Variants in KL observed in about 807,000 individuals in gnomAD.
The protein encoded by KL is klotho, also known as alpha-klotho.
In KL, 62 loss-of-function variants were observed where a neutral mutation model predicts 84.2. The observed-to-expected ratio is 0.74, with a 90% CI of 0.60 to 0.91. KL has a LOEUF of 0.91. KL is among the 40% of genes least tolerant of loss of function. The pLI is 0.00. For synonymous variants in KL, 528 were observed against 528.0 expected (o/e 1.00, Z 0.00); for missense variants, 1,261 against 1,305.7 (o/e 0.97, Z 0.53).
At chr13:33,026,969 G>A (rs143512893) in intron 1 of KL, among the ~76,000 whole-genome samples, 191 of 152,186 alleles carry the variant, frequency 1.3e-3, no homozygotes, top group Non-Finnish European at 1.9e-3. Flanking sequence ...GCTCAGCATT[G>A]GGCATCCCTT....
chr13:33,037,394 C>A (rs759301356), intron 1 of KL, among the ~76,000 whole-genome samples: 1 of 152,116 alleles, frequency 6.6e-6, no homozygotes, highest in Non-Finnish European at 1.5e-5. Flanking sequence ...CTTCACCTTT[C>A]CAGACTGACT....
intron 3 of KL, 24 bp from the exon 4 acceptor site, chr13:33,060,655 T>C: frequency 6.2e-7 from 1 of 1,614,182 alleles, no homozygotes; most frequent in African/African-American, 1.3e-5. Flanking sequence ...CAGGTGACGC[T>C]AATGTTTACT....
At position 33,016,696 on chromosome 13, in the gene KL, G is replaced by T. The variant is rs1376087130; in HGVS notation, c.256G>T (p.Gly86Cys). The change falls in exon 1 of 5, where the codon GGT (glycine) becomes TGT (cysteine). Residue 86 changes from glycine (G) to cysteine (C), a missense_variant. Physicochemically the swap from Gly to Cys is radical, Grantham distance 159. Transcript: ENST00000380099. ...TEGGWQQHGKGASIWDTFTHH... is the reference protein window; with the variant it reads ...TEGGWQQHGKCASIWDTFTHH... ...GGGCGGCTGGCAGCAGCACGGCAAGGGTGCGTCCATCTGGGATACGTTCAC... is the reference window on the plus strand; with the variant it reads ...GGGCGGCTGGCAGCAGCACGGCAAGTGTGCGTCCATCTGGGATACGTTCAC... 3 of 1,607,776 alleles carry T rather than the reference G, an allele frequency of 1.9e-6. No individual in the cohort carries two copies. The highest frequency in any genetic ancestry group is 2.7e-5 in the African/African-American group (2 of 74,748).
intron 1 of KL, among the ~76,000 whole-genome samples, chr13:33,033,076 G>T (rs1330717142): frequency 6.6e-6 from 1 of 152,178 alleles, no homozygotes; most frequent in East Asian, 1.9e-4. Flanking sequence ...TTTGCTTAAT[G>T]AAATAATCAT....
intron 1 of KL, among the ~76,000 whole-genome samples, chr13:33,041,027 A>G (rs1171395423): frequency 1.3e-5 from 2 of 152,148 alleles, no homozygotes; most frequent in Non-Finnish European, 2.9e-5. Flanking sequence ...GACCATTGCA[A>G]TAGTTGTCTA....
Position 33,061,338 on chromosome 13 carries a change from G to A in KL, c.2259G>A (p.Leu753=), listed in dbSNP as rs200040161. The A allele has an allele frequency of 1.0e-4, 166 of 1,614,048 alleles. No individual in the cohort carries two copies. The Middle Eastern group carries it at 1.3e-3, about 13-fold the overall frequency. The change falls in exon 4 of 5, where the codon TTG becomes TTA. Residue 753 remains leucine (L), a synonymous_variant. Coordinates refer to ENST00000380099, the MANE Select transcript of KL (RefSeq NM_004795.4). ...ACAAAGAGGTGGCTGAGAGAGTTTT[G>A]GAATTTGACATTGGCTGGCTGGCTG... ...QKDKEVAERV[L]EFDIGWLAEP... is the part of the protein sequence containing the mutation.
At chr13:33,022,454 G>A (rs571180151) in intron 1 of KL, among the ~76,000 whole-genome samples, 47 of 152,310 alleles carry the variant, frequency 3.1e-4, no homozygotes, top group Middle Eastern at 3.4e-3. Flanking sequence ...GTAATAATAG[G>A]TGAGTAAAAA....
In KL at chr13:33,061,601, C is replaced by T. The variant is rs774215768; in HGVS notation, c.2522C>T (p.Ser841Phe). 13 of 1,614,178 alleles carry T rather than the reference C, an allele frequency of 8.1e-6. 1 individual carries two copies. The South Asian group carries it at 8.8e-5, about 11-fold the overall frequency. Residue 841 changes from serine (S) to phenylalanine (F), a missense_variant, in exon 4 of 5, where the codon TCC becomes TTC. Ser to Phe is a radical substitution (Grantham distance 155). Coordinates refer to ENST00000380099, the MANE Select transcript of KL (RefSeq NM_004795.4). ...QEMTDITWLN[S>F]PSQVAVVPWG... ...ATGACCGACATCACGTGGCTCAACTCCCCCAGTCAGGTGGCGGTAGTGCCC... is the reference window on the plus strand; with the variant it reads ...ATGACCGACATCACGTGGCTCAACTTCCCCAGTCAGGTGGCGGTAGTGCCC...
At chr13:33,035,171 CT>C (rs1871112733) in intron 1 of KL, among the ~76,000 whole-genome samples, 1 of 152,212 alleles carries the variant, frequency 6.6e-6, no homozygotes, top group Admixed American at 6.5e-5. Flanking sequence ...TAATTGTATC[CT>C]GTTCAATGAT....
In KL at chr13:33,064,754, A is replaced by G. The variant is rs1872346338; in HGVS notation, c.*568A>G. ...GAAAGCAATGCTTCTATCAAATACT[A>G]GTATTAATTTATGTATCTGGTTAAT... On this transcript the variant is annotated 3_prime_UTR_variant, in exon 5 of 5. Coordinates refer to ENST00000380099, the MANE Select transcript of KL (RefSeq NM_004795.4). The G allele has an allele frequency of 4.5e-6, 1 of 224,338 alleles. No individual in the cohort carries two copies. The highest frequency in any genetic ancestry group is 2.2e-5 in the African/African-American group (1 of 44,950). The allele number at this position is 224,338 out of a possible 1,614,324, so 13.9% of individuals were successfully genotyped here.
chr13:33,054,918 TC>T (rs1248442341), intron 2 of KL, 128 bp from the exon 3 acceptor site: 7 of 1,200,050 alleles, frequency 5.8e-6, no homozygotes, highest in African/African-American at 1.5e-5. Flanking sequence ...AGAAGAAAAA[TC>T]ATTGGCTTAC....
intron 1 of KL, among the ~76,000 whole-genome samples, chr13:33,030,993 T>C (rs561101294): frequency 1.3e-5 from 2 of 152,258 alleles, no homozygotes; most frequent in South Asian, 4.2e-4. Context: ...ATCAGACTAA[T>C]AGAAGTTCTG....
chr13:33,031,660 T>C (rs1008628609), intron 1 of KL, among the ~76,000 whole-genome samples: 1 of 152,166 alleles, frequency 6.6e-6, no homozygotes, highest in African/African-American at 2.4e-5. Flanking sequence ...AAGAGCTAAC[T>C]CCTCATTATC....
chr13:33,039,557 C>T (rs992058268), intron 1 of KL, among the ~76,000 whole-genome samples: 12 of 152,020 alleles, frequency 7.9e-5, no homozygotes, highest in African/African-American at 2.7e-4. Flanking sequence ...TGCCTAAATG[C>T]ACGTGGGGAG....
chr13:33,063,264 A>C (rs1428112796), intron 4 of KL, among the ~76,000 whole-genome samples: 3 of 151,896 alleles, frequency 2.0e-5, no homozygotes, highest in Non-Finnish European at 2.9e-5. Flanking sequence ...AAAAAAAAAA[A>C]ACACATACAC....
At chr13:33,036,461 T>A (rs534582965) in intron 1 of KL, among the ~76,000 whole-genome samples, 51 of 151,552 alleles carry the variant, frequency 3.4e-4, no homozygotes, top group South Asian at 2.1e-3. Flanking sequence ...GCACTTATGC[T>A]TGGGTCAGTT....
Position 33,065,009 on chromosome 13 carries a change from G to T in KL, c.*823G>T, listed in dbSNP as rs1388887694. The T allele has an allele frequency of 4.4e-6, 1 of 228,238 alleles. No homozygotes were observed. The highest frequency in any genetic ancestry group is 2.2e-5 in the African/African-American group (1 of 45,066). 14.1% of individuals were successfully genotyped at this position (228,238 alleles called of 1,614,324 possible). ...ATACAGTATACCGCAGTGGCTCTAG[G>T]TGGAGGAAAGGAGGAAAAAGTGCTT... On this transcript the variant is annotated 3_prime_UTR_variant, in exon 5 of 5. Coordinates refer to ENST00000380099, the MANE Select transcript of KL (RefSeq NM_004795.4).
In KL at chr13:33,061,375, G is replaced by C. The variant is rs114752661; in HGVS notation, c.2296G>C (p.Gly766Arg). The change falls in exon 4 of 5, where the codon GGC (glycine) becomes CGC (arginine). Residue 766 changes from glycine to arginine, a missense_variant. Transcript: ENST00000380099. Reference sequence around the variant, plus strand: ...TGGCTGGCTGGCTGAGCCCATTTTCGGCTCTGGAGATTATCCATGGGTGAT... The same window carrying C: ...TGGCTGGCTGGCTGAGCCCATTTTCCGCTCTGGAGATTATCCATGGGTGAT... ...DIGWLAEPIF[G>R]SGDYPWVMRD... The C allele has an allele frequency of 7.7e-5, 124 of 1,614,116 alleles. No individual in the cohort carries two copies. The African/African-American group carries it at 1.6e-3, about 20-fold the overall frequency.
intron 1 of KL, among the ~76,000 whole-genome samples, chr13:33,033,865 A>G (rs568289937): frequency 8.5e-5 from 13 of 152,210 alleles, no homozygotes; most frequent in Admixed American, 6.5e-4. Context: ...TTCTGAATAG[A>G]AGAACCAATA....
Sources: gnomAD v4.1 joint callset for allele counts (sites outside exome capture counted in the v4.1 genomes callset) on GRCh38, gnomAD v4.1.1 for gene constraint, MANE v1.5 for transcripts, NCBI Gene and HGNC (gene_info 2026-07-23, HGNC 2026-07-21) for gene names.